BCL2L14: variants seen among roughly 807,000 people sequenced by gnomAD.
BCL2L14 encodes BCL2 like 14.
In BCL2L14, 27 loss-of-function variants were observed where a neutral mutation model predicts 35.3. The observed-to-expected ratio is 0.76, with a 90% CI of 0.56 to 1.05. The LOEUF is 1.05. BCL2L14 is among the 50% of genes least tolerant of loss of function. The probability of loss-of-function intolerance (pLI) is 0.00; values close to 1 mark genes in which losing one functional copy is unlikely to be tolerated. For synonymous variants in BCL2L14, 139 were observed against 145.9 expected (o/e 0.95, Z 0.34); for missense variants, 377 against 382.6 (o/e 0.99, Z 0.12).
intron 1 of BCL2L14, among the ~76,000 whole-genome samples, chr12:12,050,793 T>TAAAAAAAAAAAA (rs3052084): frequency 1.6e-3 from 141 of 88,146 alleles, no homozygotes; most frequent in Non-Finnish European, 2.1e-3. Flanking sequence ...GCTGATGAGC[T>TAAAAAAAAAAAA]AAAAAAAAAA....
chr12:12,082,336 C>T (rs1948946454), intron 2 of BCL2L14, among the ~76,000 whole-genome samples: 1 of 152,208 alleles, frequency 6.6e-6, no homozygotes, highest in Non-Finnish European at 1.5e-5. Context: ...GCCTCCCCAC[C>T]CCTCAGCTGC....
chr12:12,092,404 C>T (rs957666373), intron 4 of BCL2L14, among the ~76,000 whole-genome samples: 3 of 152,204 alleles, frequency 2.0e-5, no homozygotes, highest in African/African-American at 4.8e-5. Flanking sequence ...CTGCTAGAGA[C>T]ACATGGTAGG....
At chr12:12,058,936 G>A (rs140298773) in intron 2 of BCL2L14, among the ~76,000 whole-genome samples, 10 of 152,002 alleles carry the variant, frequency 6.6e-5, no homozygotes, top group Non-Finnish European at 1.3e-4. Context: ...TCCAGTAAGC[G>A]GCCTCTTTTT....
intron 1 of BCL2L14, among the ~76,000 whole-genome samples, chr12:12,074,771 C>T (rs1335990224): frequency 6.6e-6 from 1 of 152,120 alleles, no homozygotes; most frequent in African/African-American, 2.4e-5. Flanking sequence ...AATGTTACCA[C>T]ATTTAATGAG....
chr12:12,079,356 T>G lies in BCL2L14; in HGVS notation c.51T>G (p.Asp17Glu). The change falls in exon 2 of 6, where the codon GAT becomes GAG. Residue 17 changes from aspartate (D) to glutamate (E), a missense_variant. By Grantham distance (45) the Asp-to-Glu change is conservative. Coordinates refer to ENST00000308721, the MANE Select transcript of BCL2L14 (RefSeq NM_138723.2). ...TGGAAGAAATCCCCCTAGATGATGATGACCTAAACACCATAGAATTCAAAA... is the reference window on the plus strand; with the variant it reads ...TGGAAGAAATCCCCCTAGATGATGAGGACCTAAACACCATAGAATTCAAAA... ...CDLEEIPLDD[D>E]DLNTIEFKIL... 6.2e-7 allele frequency: 1 copy of G among 1,614,202 alleles called. No homozygotes were observed. The highest frequency in any genetic ancestry group is 8.5e-7 in the Non-Finnish European group (1 of 1,180,030).
chr12:12,072,816 C>A (rs932802184), intron 1 of BCL2L14, among the ~76,000 whole-genome samples: 2 of 151,920 alleles, frequency 1.3e-5, no homozygotes, highest in Admixed American at 6.6e-5. Flanking sequence ...ATACACTGAA[C>A]AATCAAGTAA....
At chr12:12,066,043 G>A (rs887223666), upstream of BCL2L14, among the ~76,000 whole-genome samples, 6 of 152,046 alleles carry the variant, frequency 3.9e-5, no homozygotes, top group South Asian at 2.1e-4. Context: ...CACCCACCTC[G>A]GCCTCCCAAA....
intron 5 of BCL2L14, among the ~76,000 whole-genome samples, chr12:12,096,741 T>G (rs1446634673): frequency 6.6e-6 from 1 of 152,164 alleles, no homozygotes; most frequent in Non-Finnish European, 1.5e-5. Context: ...TTGACGTCGG[T>G]GAGGATGTGG....
chr12:12,097,964 A>ACAG (rs1252308485), intron 5 of BCL2L14, among the ~76,000 whole-genome samples: 19 of 152,182 alleles, frequency 1.2e-4, no homozygotes, highest in Admixed American at 4.6e-4. Context: ...ACTCTTGGCC[A>ACAG]CAGTTAAGTT....
intron 1 of BCL2L14, among the ~76,000 whole-genome samples, chr12:12,074,431 C>A (rs1358858233): frequency 6.6e-6 from 1 of 151,950 alleles, no homozygotes. Flanking sequence ...AGATATGTAC[C>A]TTTTTCTTTT....
At chr12:12,084,132 T>A (rs1444849747) in intron 2 of BCL2L14, among the ~76,000 whole-genome samples, 1 of 152,204 alleles carries the variant, frequency 6.6e-6, no homozygotes, top group Non-Finnish European at 1.5e-5. Flanking sequence ...TATTATTATT[T>A]TTTAATCTTT....
rs549256668 is a variant in BCL2L14 at position 12,094,921 on chromosome 12, C to G, written c.936C>G (p.His312Gln). 2 of 1,613,186 alleles carry G rather than the reference C, an allele frequency of 1.2e-6. No individual in the cohort carries two copies. The highest frequency in any genetic ancestry group is 1.7e-6 in the Non-Finnish European group (2 of 1,180,006). The change falls in exon 5 of 6, where the codon CAC becomes CAG. Residue 312 changes from histidine (H) to glutamine (Q), a missense_variant. Physicochemically the swap from His to Gln is conservative, Grantham distance 24. Coordinates refer to ENST00000308721, the MANE Select transcript of BCL2L14 (RefSeq NM_138723.2). ...ACTTCTCGCCATGGATCCAGCAGCA[C>G]GGTGGATGGGTAAGCGTATCCTATT... ...KENFSPWIQQ[H>Q]GGWEKILGIS...
At position 12,090,836 on chromosome 12, in the gene BCL2L14, A is replaced by T. The variant is rs779992262; in HGVS notation, c.665A>T (p.Gln222Leu). Residue 222 changes from glutamine to leucine, a missense_variant, in exon 4 of 6, where the codon CAG becomes CTG. Coordinates refer to ENST00000308721, the MANE Select transcript of BCL2L14 (RefSeq NM_138723.2). Reference sequence around the variant, plus strand: ...GAGCTGCTGAAATATTCAGGAGATCAGTTGGAAAGAAAGGTATGGAACACC... The same window carrying T: ...GAGCTGCTGAAATATTCAGGAGATCTGTTGGAAAGAAAGGTATGGAACACC... ...IVELLKYSGD[Q>L]LERKLKKDKA... 2 of 1,613,022 alleles carry T rather than the reference A, an allele frequency of 1.2e-6. No individual in the cohort carries two copies. The highest frequency in any genetic ancestry group is 1.7e-6 in the Non-Finnish European group (2 of 1,179,350).
chr12:12,098,911 T>C, intron 5 of BCL2L14, 39 bp from the exon 6 acceptor site: 2 of 1,442,520 alleles, frequency 1.4e-6, no homozygotes, highest in Non-Finnish European at 2.0e-6. Flanking sequence ...CAACAGTAAA[T>C]CTAACTTGGA....
intron 2 of BCL2L14, among the ~76,000 whole-genome samples, chr12:12,084,249 G>A (rs757069118): frequency 2.0e-5 from 3 of 152,112 alleles, no homozygotes; most frequent in Non-Finnish European, 2.9e-5. Flanking sequence ...GTGAGCCACC[G>A]CACCCAGCCT....
intron 5 of BCL2L14, among the ~76,000 whole-genome samples, chr12:12,096,526 A>G (rs906853814): frequency 2.0e-5 from 3 of 152,148 alleles, no homozygotes; most frequent in African/African-American, 7.2e-5. Context: ...ATGAACTATT[A>G]TAATTGAACA....
chr12:12,057,658 G>A (rs1406136554), intron 2 of BCL2L14, among the ~76,000 whole-genome samples: 1 of 151,418 alleles, frequency 6.6e-6, no homozygotes, highest in Non-Finnish European at 1.5e-5. Context: ...TAGGGAGGCT[G>A]AGGCAGAAGA....
intron 1 of BCL2L14, among the ~76,000 whole-genome samples, chr12:12,050,213 G>T (rs1948327031): frequency 6.6e-6 from 1 of 152,046 alleles, no homozygotes; most frequent in African/African-American, 2.4e-5. Flanking sequence ...GGAGGAGGTG[G>T]GGTTCAATAG....
intron 2 of BCL2L14, among the ~76,000 whole-genome samples, chr12:12,081,283 A>G (rs1336836986): frequency 1.3e-5 from 2 of 151,898 alleles, no homozygotes; most frequent in Admixed American, 6.6e-5. Flanking sequence ...CCCTGTCTCC[A>G]TTAAAAAATT....
Sources: gnomAD v4.1 joint callset for allele counts (sites outside exome capture counted in the v4.1 genomes callset) on GRCh38, gnomAD v4.1.1 for gene constraint, MANE v1.5 for transcripts, NCBI Gene and HGNC (gene_info 2026-07-23, HGNC 2026-07-21) for gene names.